The following HACD4 variants were observed in gnomAD, a reference collection of about 807,000 sequenced individuals.
The protein encoded by HACD4 is 3-hydroxyacyl-CoA dehydratase 4.
In HACD4, 35 loss-of-function variants were observed where a neutral mutation model predicts 33.3. The observed-to-expected ratio is 1.05, with a 90% confidence interval of 0.80 to 1.39. HACD4 has a LOEUF of 1.39. HACD4 is among the 40% of genes most tolerant of loss of function. The probability of loss-of-function intolerance (pLI) is 0.00; values close to 1 mark genes in which losing one functional copy is unlikely to be tolerated. For missense variants in HACD4, 323 were observed against 276.5 expected (o/e 1.17, Z -1.19); for synonymous variants, 118 against 98.0 (o/e 1.20, Z -1.21).
At chr9:21,028,640 T>C (rs758722179) in intron 2 of HACD4, among the ~76,000 whole-genome samples, 1 of 152,198 alleles carries the variant, frequency 6.6e-6, no homozygotes, top group Non-Finnish European at 1.5e-5. Flanking sequence ...CACTCAACAG[T>C]TGTAAACTGT....
intron 1 of HACD4, among the ~76,000 whole-genome samples, chr9:21,030,302 C>T (rs567536720): frequency 1.7e-4 from 25 of 146,460 alleles, no homozygotes; most frequent in South Asian, 1.1e-3. Context: ...GATGTGGTAA[C>T]GTATGCCTGT....
chr9:21,029,179 A>G (rs1482241089), intron 2 of HACD4, 116 bp downstream of exon 2: 2 of 626,554 alleles, frequency 3.2e-6, no homozygotes, highest in Non-Finnish European at 2.8e-6. Flanking sequence ...GCTAAAAAAT[A>G]CAAATTTTAG....
chr9:21,019,666 A>G (rs1817854530), intron 3 of HACD4, among the ~76,000 whole-genome samples: 1 of 152,102 alleles, frequency 6.6e-6, no homozygotes, highest in African/African-American at 2.4e-5. Context: ...CTTATCACAC[A>G]TGGATCAAAT....
rs1266029888 is a variant in HACD4, at chr9:21,029,313, A to C, written c.124T>G (p.Phe42Val). The C allele has an allele frequency of 6.3e-7, 1 of 1,582,342 alleles. No individual in the cohort carries two copies. Residue 42 changes from phenylalanine to valine, a missense_variant, in exon 2 of 7, where the codon TTC (phenylalanine) becomes GTC (valine). Phe to Val is a conservative substitution (Grantham distance 50). Transcript: ENST00000495827. The stretch of plus-strand genomic sequence containing the variant: ...GTTTTACCTTTTCCAAATGAAAAGA[A>C]TCTGACTGTCATATTTGTAAATATC... ...SWIFTNMTVRFFSFGKDSMVD... is the reference protein window; with the variant it reads ...SWIFTNMTVRVFSFGKDSMVD...
At chr9:21,030,885 C>T (rs1818196589) in intron 1 of HACD4, among the ~76,000 whole-genome samples, 2 of 152,194 alleles carry the variant, frequency 1.3e-5, no homozygotes, top group South Asian at 4.1e-4. Flanking sequence ...GAAATGTTCC[C>T]TGGGAGTTCA....
At chr9:21,018,996 A>G (rs1021429704) in intron 3 of HACD4, among the ~76,000 whole-genome samples, 7 of 152,168 alleles carry the variant, frequency 4.6e-5, no homozygotes, top group African/African-American at 4.8e-5. Flanking sequence ...AAAGACTACT[A>G]TTTTACTAAA....
intron 3 of HACD4, among the ~76,000 whole-genome samples, chr9:21,021,063 G>C (rs187263351): frequency 1.3e-5 from 2 of 152,226 alleles, no homozygotes; most frequent in African/African-American, 4.8e-5. Flanking sequence ...GGGATGCAAG[G>C]CTGGTTCAAC....
At chr9:21,017,923 G>C (rs1372694907) in intron 3 of HACD4, 1 of 152,152 alleles carries the variant, frequency 6.6e-6, no homozygotes, top group East Asian at 1.9e-4. Context: ...AAAAGGGAGA[G>C]ACTGGAGCTG....
chr9:21,007,684 T>A (rs1045499135), intron 6 of HACD4, among the ~76,000 whole-genome samples: 1 of 152,148 alleles, frequency 6.6e-6, no homozygotes, highest in Admixed American at 6.5e-5. Context: ...AATGGAAACA[T>A]CAGAAATAGC....
intron 2 of HACD4, among the ~76,000 whole-genome samples, chr9:21,029,036 T>A (rs1818135620): frequency 6.6e-6 from 1 of 152,192 alleles, no homozygotes; most frequent in African/African-American, 2.4e-5. Context: ...AAAGGAACAA[T>A]GAAATGATAC....
chr9:21,011,329 T>C (rs1360220368), intron 5 of HACD4, among the ~76,000 whole-genome samples: 1 of 152,150 alleles, frequency 6.6e-6, no homozygotes, highest in Admixed American at 6.5e-5. Context: ...GTTAAATGAG[T>C]TACCCAAAAC....
At chr9:21,012,545 G>A (rs963474741) in intron 4 of HACD4, among the ~76,000 whole-genome samples, 2 of 152,180 alleles carry the variant, frequency 1.3e-5, no homozygotes, top group Non-Finnish European at 2.9e-5. Context: ...CCACCCCTCA[G>A]AGACAATAGC....
At position 21,003,301 on chromosome 9, in the gene HACD4, C is replaced by G. The variant is rs1842195753; in HGVS notation, c.*3736G>C. ...TGAAATTTTAATTTATTATAATGAC[C>G]CAGTAAAGTGTAGTTTCTCTAATTT... On this transcript the variant is annotated 3_prime_UTR_variant, in exon 7 of 7. Coordinates refer to ENST00000495827, the MANE Select transcript of HACD4 (RefSeq NM_001010915.5). 1 of 151,488 alleles carries G rather than the reference C, an allele frequency of 6.6e-6. No individual in the cohort carries two copies. The highest frequency in any genetic ancestry group is 1.5e-5 in the Non-Finnish European group (1 of 67,800). 9.4% of individuals were successfully genotyped at this position (151,488 alleles called of 1,614,324 possible).
At chr9:21,012,365 C>T (rs1433757559) in intron 4 of HACD4, among the ~76,000 whole-genome samples, 2 of 152,342 alleles carry the variant, frequency 1.3e-5, no homozygotes, top group African/African-American at 4.8e-5. Flanking sequence ...TGGTACACCC[C>T]AGACTTTGTA....
chr9:21,021,153 A>G (rs1267684119), intron 3 of HACD4, among the ~76,000 whole-genome samples: 1 of 152,232 alleles, frequency 6.6e-6, no homozygotes, highest in East Asian at 1.9e-4. Context: ...ATAGATGCAG[A>G]AAAGGCCTTT....
At chr9:21,020,302 C>G (rs1027832750) in intron 3 of HACD4, among the ~76,000 whole-genome samples, 30 of 152,154 alleles carry the variant, frequency 2.0e-4, no homozygotes, top group African/African-American at 7.0e-4. Context: ...GCATTTAAAG[C>G]ATTTCTCAAA....
chr9:21,011,618 G>A lies in HACD4; in HGVS notation c.461C>T (p.Pro154Leu), dbSNP rs745847437. The A allele has an allele frequency of 1.4e-5, 22 of 1,608,240 alleles. 1 individual carries two copies. In the South Asian group the frequency reaches 2.4e-4, roughly 18 times the overall value. Reference sequence around the variant, plus strand: ...AGCAAGAACACACAAAGGATAAATTGGCATCCATAGTGTTTGACTGAGCCA... The same window carrying A: ...AGCAAGAACACACAAAGGATAAATTAGCATCCATAGTGTTTGACTGAGCCA... ...LTWLSQTLWM[P>L]IYPLCVLAEA... The change falls in exon 5 of 7, where the codon CCA (proline) becomes CTA (leucine). Residue 154 changes from proline to leucine, a missense_variant. Pro to Leu is a moderately conservative substitution (Grantham distance 98). Transcript: ENST00000495827.
chr9:21,014,795 G>A (rs1447474180), intron 4 of HACD4, among the ~76,000 whole-genome samples: 3 of 152,160 alleles, frequency 2.0e-5, no homozygotes, highest in Admixed American at 6.5e-5. Context: ...GTGGAGGTGG[G>A]TTTCATCTAG....
rs1257172271 is a variant in HACD4, at chr9:21,029,367, A to C, written c.70T>G (p.Tyr24Asp). The C allele has an allele frequency of 6.3e-7, 1 of 1,593,762 alleles. No individual in the cohort carries two copies. Among genetic ancestry groups the C allele is most frequent in the East Asian group, 2.2e-5 (1 of 44,712 alleles). Residue 24 changes from tyrosine (Y) to aspartate (D), a missense_variant, in exon 2 of 7, where the codon TAC becomes GAC. Physicochemically the swap from Tyr to Asp is radical, Grantham distance 160 (BLOSUM62 -3). Coordinates refer to ENST00000495827, the MANE Select transcript of HACD4 (RefSeq NM_001010915.5). ...GAGTGGCCACAGAACTGGATTAAGT[A>C]ATAGATGAAAAGATACGCATTCTTC... ...YRKNAYLFIYYLIQFCGHSWI... is the reference protein window; with the variant it reads ...YRKNAYLFIYDLIQFCGHSWI...
Sources: gnomAD v4.1 joint callset for allele counts (sites outside exome capture counted in the v4.1 genomes callset) on GRCh38, gnomAD v4.1.1 for gene constraint, MANE v1.5 for transcripts, NCBI Gene and HGNC (gene_info 2026-07-23, HGNC 2026-07-21) for gene names.